Variants in INO80 observed in about 807,000 individuals in gnomAD.
INO80 encodes INO80 complex ATPase subunit, also known as chromatin-remodeling ATPase INO80.
In INO80, 20 loss-of-function variants were observed where a neutral mutation model predicts 203.4. The ratio of observed to expected loss-of-function variants is 0.10; its 90% CI spans 0.07 to 0.14. The LOEUF (loss-of-function observed/expected upper bound fraction) is 0.14, where lower values mean the gene tolerates loss of function less well. Ranked by LOEUF, INO80 falls within the 10% of genes least tolerant of loss-of-function variation. The pLI, the probability that INO80 is intolerant of heterozygous loss-of-function variation, is 1.00. For missense variants in INO80, 1,419 were observed against 1,914.4 expected (o/e 0.74, Z 4.83); for synonymous variants, 726 against 685.2 (o/e 1.06, Z -0.93).
At chr15:40,991,226 T>C (rs2043813179) in intron 29 of INO80, among the ~76,000 whole-genome samples, 1 of 152,146 alleles carries the variant, frequency 6.6e-6, no homozygotes, top group African/African-American at 2.4e-5. Flanking sequence ...TATTTATCCT[T>C]TACATGGATT....
At chr15:41,098,513 A>G (rs926876852) in intron 1 of INO80, among the ~76,000 whole-genome samples, 1 of 152,124 alleles carries the variant, frequency 6.6e-6, no homozygotes, top group Non-Finnish European at 1.5e-5. Context: ...CATCTCTTCA[A>G]AAGAATTTAA....
Position 40,979,312 on chromosome 15 carries a change from G to C in INO80, c.*911C>G, listed in dbSNP as rs1893723438. On this transcript the variant is annotated 3_prime_UTR_variant, in exon 36 of 36. Coordinates refer to ENST00000648947, the MANE Select transcript of INO80 (RefSeq NM_017553.3). ...AAGCTCAGGCTGGCCGGGCTGGGAGGGCCGGTGCCGAGCCTGCCCCCTCTC... is the reference window on the plus strand; with the variant it reads ...AAGCTCAGGCTGGCCGGGCTGGGAGCGCCGGTGCCGAGCCTGCCCCCTCTC... The C allele has an allele frequency of 6.5e-6, 1 of 152,820 alleles. No individual in the cohort carries two copies. The highest frequency in any genetic ancestry group is 6.5e-5 in the Admixed American group (1 of 15,282). The allele number at this position is 152,820 out of a possible 1,614,324, so 9.5% of individuals were successfully genotyped here. A position where few individuals can be genotyped will look rare whatever the true frequency, so the allele number is the denominator to read the frequency against.
intron 1 of INO80, among the ~76,000 whole-genome samples, chr15:41,097,323 G>A (rs1046589006): frequency 2.6e-5 from 4 of 151,964 alleles, no homozygotes; most frequent in African/African-American, 9.6e-5. Flanking sequence ...TGGGATTACA[G>A]GCTTGAGCCA....
Position 41,032,353 on chromosome 15 carries a change from T to C in INO80, c.2908-4617A>G, listed in dbSNP as rs184018259. Among the ~76,000 whole-genome samples the C allele has an allele frequency of 2.7e-3, 409 of 152,320 alleles. 3 individuals are homozygous for C. The highest frequency in any genetic ancestry group is 0.013 in the South Asian group (62 of 4,830). ...TGTTGATAAATCAGCTCTTAGATTATACGGATTATATTTCCATGGATATTT... is the reference window on the plus strand; with the variant it reads ...TGTTGATAAATCAGCTCTTAGATTACACGGATTATATTTCCATGGATATTT... On this transcript the variant is annotated intron_variant, in intron 24 of 35. Coordinates refer to ENST00000648947, the MANE Select transcript of INO80 (RefSeq NM_017553.3).
At chr15:41,067,307 C>T (rs1373861460) in intron 14 of INO80, among the ~76,000 whole-genome samples, 1 of 152,034 alleles carries the variant, frequency 6.6e-6, no homozygotes, top group Non-Finnish European at 1.5e-5. Flanking sequence ...AAACTCCTGA[C>T]CTTGTGATCC....
At chr15:41,037,928 G>A (rs944732984) in intron 24 of INO80, among the ~76,000 whole-genome samples, 3 of 150,416 alleles carry the variant, frequency 2.0e-5, no homozygotes, top group African/African-American at 7.3e-5. Context: ...GGGCGACAGA[G>A]TAAGACTCTG....
chr15:41,025,769 G>A (rs2044366572), intron 25 of INO80, among the ~76,000 whole-genome samples: 1 of 152,072 alleles, frequency 6.6e-6, no homozygotes, highest in African/African-American at 2.4e-5. Flanking sequence ...GGGAACAGGA[G>A]AAGTTAAAAA....
chr15:41,067,392 A>G (rs945113592), intron 14 of INO80, among the ~76,000 whole-genome samples: 2 of 152,056 alleles, frequency 1.3e-5, no homozygotes, highest in Non-Finnish European at 1.5e-5. Context: ...TTATTTTTCA[A>G]GATCTGCATT....
In INO80 at chr15:41,073,329, T is replaced by C. The variant is rs1299134696; in HGVS notation, c.1395+99A>G. The C allele has an allele frequency of 6.9e-6, 7 of 1,010,470 alleles. No individual in the cohort carries two copies. The East Asian group carries it at 1.7e-4, about 24-fold the overall frequency. 62.6% of individuals were successfully genotyped at this position (1,010,470 alleles called of 1,614,324 possible). On this transcript the variant is annotated intron_variant, in intron 11 of 35. Transcript: ENST00000648947. ...TACACAAGCTAGTCTATGCTTTTAATTGCAAATGTGATTAAGACTAAAGGA... is the reference window on the plus strand; with the variant it reads ...TACACAAGCTAGTCTATGCTTTTAACTGCAAATGTGATTAAGACTAAAGGA...
At chr15:41,112,067 A>G (rs1168026136) in intron 1 of INO80, among the ~76,000 whole-genome samples, 1 of 151,982 alleles carries the variant, frequency 6.6e-6, no homozygotes, top group African/African-American at 2.4e-5. Context: ...CCCTAGTCCA[A>G]AAATTTTATT....
chr15:41,028,887 C>T (rs1258037481), intron 24 of INO80, among the ~76,000 whole-genome samples: 1 of 152,030 alleles, frequency 6.6e-6, no homozygotes, highest in African/African-American at 2.4e-5. Context: ...GACTTCATAA[C>T]TCATGTTACA....
chr15:41,082,250 CAAAAAAAAAA>C (rs60486605), intron 7 of INO80, among the ~76,000 whole-genome samples: 8 of 54,680 alleles, frequency 1.5e-4, no homozygotes, highest in African/African-American at 3.4e-4. Flanking sequence ...AACTCCGTCT[CAAAAAAAAAA>C]AAAAAAAAAA....
intron 14 of INO80, among the ~76,000 whole-genome samples, chr15:41,060,206 G>C (rs2045076755): frequency 6.6e-6 from 1 of 152,204 alleles, no homozygotes; most frequent in African/African-American, 2.4e-5. Flanking sequence ...GGTAAGCCTA[G>C]TATGTGGTAT....
chr15:41,087,819 T>C, intron 5 of INO80, 137 bp from the exon 6 acceptor site: 1 of 769,690 alleles, frequency 1.3e-6, no homozygotes, highest in Non-Finnish European at 1.9e-6. Context: ...CAGTAACATC[T>C]AGTATATCTA....
At chr15:41,083,774 A>G (rs1488929728) in intron 7 of INO80, among the ~76,000 whole-genome samples, 1 of 152,070 alleles carries the variant, frequency 6.6e-6, no homozygotes, top group Non-Finnish European at 1.5e-5. Flanking sequence ...AAAGTGTCAT[A>G]CTAACCTATA....
At chr15:41,077,655 G>A (rs566293268) in intron 9 of INO80, among the ~76,000 whole-genome samples, 1 of 151,938 alleles carries the variant, frequency 6.6e-6, no homozygotes, top group South Asian at 2.1e-4. Flanking sequence ...CAACATCCCA[G>A]GCTCAAGCAA....
chr15:41,099,237 C>CAAAAAAAAAAAA (rs71104771), intron 1 of INO80, among the ~76,000 whole-genome samples: 9 of 21,096 alleles, frequency 4.3e-4, no homozygotes, highest in Non-Finnish European at 6.9e-4. Context: ...GACCCTGTCT[C>CAAAAAAAAAAAA]AAAAAAAAAA....
chr15:41,065,266 C>T (rs545104406), intron 14 of INO80, among the ~76,000 whole-genome samples: 142 of 151,878 alleles, frequency 9.3e-4, no homozygotes, highest in Middle Eastern at 6.8e-3. Context: ...GGTGAAACTC[C>T]GTCTCTACCA....
At position 41,006,930 on chromosome 15, in the gene INO80, G is replaced by A. The variant is rs982203671; in HGVS notation, c.3403-1243C>T. On this transcript the variant is annotated intron_variant, in intron 27 of 35. Coordinates refer to ENST00000648947, the MANE Select transcript of INO80 (RefSeq NM_017553.3). ...AGTGGTATTGCTATATCGTAGGACT[G>A]AACTAATGGCAGAAGGGTAGGGGGC... is the stretch of plus-strand genomic sequence containing the variant. 2.0e-5 allele frequency among the ~76,000 whole-genome samples: 3 copies of A among 152,120 alleles called. No homozygotes were observed. In the East Asian group the frequency reaches 5.8e-4, roughly 29 times the overall value.
Sources: allele counts gnomAD v4.1 joint callset (sites outside exome capture counted in the v4.1 genomes callset), GRCh38; gene constraint gnomAD v4.1.1; transcripts MANE v1.5; gene names NCBI Gene and HGNC (gene_info 2026-07-23, HGNC 2026-07-21).